The following USH2A variants were observed in gnomAD, a reference collection of about 807,000 sequenced individuals.
USH2A encodes Usher syndrome 2A (autosomal recessive, mild).
A neutral mutation model predicts 538.9 loss-of-function variants in USH2A; 443 were observed. That is an observed-to-expected ratio of 0.82 (90% CI 0.76 to 0.89). USH2A has a LOEUF of 0.89. Among genes scored for constraint, USH2A ranks in the 40% least tolerant of loss-of-function variants. The probability of loss-of-function intolerance (pLI) is 0.00; values close to 1 mark genes in which losing one functional copy is unlikely to be tolerated. For missense variants in USH2A, 6,633 were observed against 6,324.8 expected, an observed-to-expected ratio of 1.05 and a Z score of -1.65; for synonymous variants, 2,413 against 2,273.5, an observed-to-expected ratio of 1.06 and a Z score of -1.75.
At chr1:216,380,112 G>T (rs2038902053) in intron 3 of USH2A, among the ~76,000 whole-genome samples, 1 of 152,086 alleles carries the variant, frequency 6.6e-6, no homozygotes, top group South Asian at 2.1e-4. Flanking sequence ...TCTACAAGTA[G>T]CAATCTTAAT....
At chr1:215,835,857 T>C (rs961679359) in intron 47 of USH2A, among the ~76,000 whole-genome samples, 5 of 152,190 alleles carry the variant, frequency 3.3e-5, no homozygotes, top group Non-Finnish European at 7.3e-5. Flanking sequence ...CAAAATTGTG[T>C]TGCAATCTCT....
intron 19 of USH2A, among the ~76,000 whole-genome samples, chr1:216,194,817 G>A (rs921956627): frequency 6.6e-6 from 1 of 152,118 alleles, no homozygotes; most frequent in South Asian, 2.1e-4. Context: ...TGAGTAATAT[G>A]GAATGCTGCC....
At chr1:216,024,540 T>G (rs1031148220) in intron 32 of USH2A, among the ~76,000 whole-genome samples, 5 of 152,070 alleles carry the variant, frequency 3.3e-5, no homozygotes, top group African/African-American at 1.2e-4. Flanking sequence ...AAATATGTAT[T>G]ATGTAATTAT....
intron 61 of USH2A, among the ~76,000 whole-genome samples, chr1:215,709,515 G>C (rs1387506875): frequency 2.8e-5 from 3 of 106,568 alleles, no homozygotes; most frequent in African/African-American, 1.2e-4. Context: ...AAATGAAATT[G>C]AGTTTGATCA....
At chr1:215,653,389 A>G (rs1236061066) in intron 64 of USH2A, among the ~76,000 whole-genome samples, 3 of 152,222 alleles carry the variant, frequency 2.0e-5, no homozygotes, top group Non-Finnish European at 2.9e-5. Flanking sequence ...CCTTCATAAT[A>G]CATTACTCTT....
chr1:215,733,975 A>G (rs1425530876), intron 60 of USH2A, among the ~76,000 whole-genome samples: 1 of 152,176 alleles, frequency 6.6e-6, no homozygotes, highest in East Asian at 1.9e-4. Context: ...CAGCTCCAAC[A>G]GACAGCGCCC....
intron 20 of USH2A, among the ~76,000 whole-genome samples, chr1:216,180,338 C>G (rs965916028): frequency 2.0e-5 from 3 of 151,948 alleles, no homozygotes; most frequent in African/African-American, 7.2e-5. Flanking sequence ...GTACAAAATT[C>G]TTGTACTTTT....
At chr1:215,747,882 G>GCTTT (rs1660518057) in intron 58 of USH2A, among the ~76,000 whole-genome samples, 1 of 128,746 alleles carries the variant, frequency 7.8e-6, no homozygotes, top group Admixed American at 7.6e-5. Flanking sequence ...TTGTTTGTTT[G>GCTTT]TTTGTTTGGT....
At chr1:216,169,785 CT>C in intron 21 of USH2A, among the ~76,000 whole-genome samples, 1 of 152,140 alleles carries the variant, frequency 6.6e-6, no homozygotes. Flanking sequence ...CTTTCCTTTA[CT>C]TTTTTAGTAT....
At chr1:215,972,618 G>A (rs1667522414) in intron 35 of USH2A, among the ~76,000 whole-genome samples, 1 of 152,100 alleles carries the variant, frequency 6.6e-6, no homozygotes. Context: ...TAGGATTAAA[G>A]CATTTTTTGT....
intron 11 of USH2A, among the ~76,000 whole-genome samples, chr1:216,261,483 A>T (rs140246913): frequency 2.0e-5 from 3 of 151,562 alleles, no homozygotes; most frequent in African/African-American, 7.3e-5. Context: ...AAAAATCTCA[A>T]CTAAAAGATT....
intron 30 of USH2A, among the ~76,000 whole-genome samples, chr1:216,064,366 C>G (rs1036164495): frequency 9.2e-5 from 14 of 152,038 alleles, no homozygotes; most frequent in African/African-American, 2.4e-4. Flanking sequence ...ACTCTGGGGT[C>G]ACGTAGACAA....
intron 52 of USH2A, among the ~76,000 whole-genome samples, chr1:215,783,298 T>C (rs1289244596): frequency 6.6e-6 from 1 of 152,226 alleles, no homozygotes; most frequent in African/African-American, 2.4e-5. Context: ...CATTCTTTTA[T>C]AGTTTTAGTA....
chr1:216,232,373 C>T (rs769661790), intron 13 of USH2A, among the ~76,000 whole-genome samples: 1 of 152,112 alleles, frequency 6.6e-6, no homozygotes, highest in Non-Finnish European at 1.5e-5. Context: ...TTAAAATCTA[C>T]CATGCAATAT....
chr1:216,292,208 C>T lies in USH2A; in HGVS notation c.1807G>A (p.Gly603Arg), dbSNP rs963320925. Residue 603 changes from glycine to arginine, a missense_variant, in exon 10 of 72, where the codon GGA (glycine) becomes AGA (arginine). Coordinates refer to ENST00000307340, the MANE Select transcript of USH2A (RefSeq NM_206933.4). ...FPFEHFRGGG[G>R]VCDDCEHNTT... ...TTATGCTCACAATCATCACAAACTCCTCCTCCCCCTCTGAAGTGCTCAAAA... is the reference window on the plus strand; with the variant it reads ...TTATGCTCACAATCATCACAAACTCTTCCTCCCCCTCTGAAGTGCTCAAAA... The T allele has an allele frequency of 6.2e-7, 1 of 1,613,936 alleles. No individual in the cohort carries two copies. The highest frequency in any genetic ancestry group is 1.3e-5 in the African/African-American group (1 of 74,914).
chr1:215,812,108 C>T (rs1662712403), intron 49 of USH2A, among the ~76,000 whole-genome samples: 2 of 150,000 alleles, frequency 1.3e-5, no homozygotes, highest in African/African-American at 4.9e-5. Flanking sequence ...CTTCAGCCTC[C>T]CGAGAAGCTG....
At chr1:216,102,510 T>C (rs2032606929) in intron 21 of USH2A, among the ~76,000 whole-genome samples, 1 of 152,106 alleles carries the variant, frequency 6.6e-6, no homozygotes, top group Non-Finnish European at 1.5e-5. Flanking sequence ...TATTAAGTTA[T>C]ACTTGTGGGC....
chr1:216,005,523 A>G (rs532302193), intron 32 of USH2A, among the ~76,000 whole-genome samples: 5 of 152,182 alleles, frequency 3.3e-5, no homozygotes, highest in Non-Finnish European at 7.3e-5. Flanking sequence ...TTGTAAATGA[A>G]TGAGCAAGAC....
At position 216,232,779 on chromosome 1, in the gene USH2A, T is replaced by A. The variant is rs184749613; in HGVS notation, c.2810-643A>T. 4.6e-5 allele frequency among the ~76,000 whole-genome samples: 7 copies of A among 152,314 alleles called. No homozygotes were observed. In the East Asian group the frequency reaches 9.7e-4, roughly 21 times the overall value. ...CTCCCAGATAAAGTCACCAACCACT[T>A]TTTTTATAACTAATACTTCAAACTA... is the stretch of plus-strand genomic sequence containing the variant. On this transcript the variant is annotated intron_variant, in intron 13 of 71. Transcript: ENST00000307340.
Sources: allele counts gnomAD v4.1 joint callset (sites outside exome capture counted in the v4.1 genomes callset), GRCh38; gene constraint gnomAD v4.1.1; transcripts MANE v1.5; gene names NCBI Gene and HGNC (gene_info 2026-07-23, HGNC 2026-07-21).